NCOA1: variants seen among roughly 807,000 people sequenced by gnomAD.
NCOA1 encodes Hin-2 protein.
In NCOA1, 35 loss-of-function variants were observed where a neutral mutation model predicts 150.9. That is an observed-to-expected ratio of 0.23 (90% CI 0.18 to 0.31). The LOEUF is 0.31. Ranked by LOEUF, NCOA1 falls within the 10% of genes least tolerant of loss-of-function variation. The pLI, the probability that NCOA1 is intolerant of heterozygous loss-of-function variation, is 1.00. For missense variants in NCOA1, 1,491 were observed against 1,749.3 expected (o/e 0.85, Z 2.63); for synonymous variants, 590 against 630.0 (o/e 0.94, Z 0.95).
intron 1 of NCOA1, among the ~76,000 whole-genome samples, chr2:24,517,144 G>A (rs1298787610): frequency 6.6e-6 from 1 of 151,202 alleles, no homozygotes; most frequent in Non-Finnish European, 1.5e-5. Flanking sequence ...TTGGTTTAAA[G>A]TTGCCCCATT....
At chr2:24,725,711 G>T (rs1674579603) in intron 14 of NCOA1, among the ~76,000 whole-genome samples, 1 of 56,800 alleles carries the variant, frequency 1.8e-5, no homozygotes, top group Admixed American at 2.7e-4. Context: ...GACCTAAAGT[G>T]TGCGTGTGTG....
chr2:24,699,610 A>G (rs893015409), intron 11 of NCOA1, among the ~76,000 whole-genome samples: 1 of 152,178 alleles, frequency 6.6e-6, no homozygotes, highest in East Asian at 1.9e-4. Context: ...TCTTAGAATC[A>G]AGTTGTCCAA....
chr2:24,575,243 G>GTTAAA (rs1307768243), intron 2 of NCOA1, among the ~76,000 whole-genome samples: 1 of 152,092 alleles, frequency 6.6e-6, no homozygotes, highest in Admixed American at 6.5e-5. Context: ...TTAACTAAGT[G>GTTAAA]TTAAATCTGC....
intron 9 of NCOA1, among the ~76,000 whole-genome samples, chr2:24,691,976 A>C (rs1672686259): frequency 6.6e-6 from 1 of 152,352 alleles, no homozygotes; most frequent in East Asian, 1.9e-4. Context: ...GAAATGTACC[A>C]GATGCAGCAG....
At position 24,707,631 on chromosome 2, in the gene NCOA1, G is replaced by T; in HGVS notation, c.2161G>T (p.Val721Leu). ...GGACAGTGCATCTACTTCTGTGTCA[G>T]TGACTGGACAGGTACAAGGAAACTC... ...KKDSASTSVS[V>L]TGQVQGNSSI... The change falls in exon 13 of 23, where the codon GTG becomes TTG. Residue 721 changes from valine to leucine, a missense_variant. Val to Leu is a conservative substitution (Grantham distance 32). Coordinates refer to ENST00000348332, the MANE Select transcript of NCOA1 (RefSeq NM_003743.5). 6.2e-7 allele frequency: 1 copy of T among 1,614,234 alleles called. No homozygotes were observed. The highest frequency in any genetic ancestry group is 1.1e-5 in the South Asian group (1 of 91,090).
At chr2:24,753,879 T>G (rs140663208) in intron 20 of NCOA1, among the ~76,000 whole-genome samples, 1 of 152,294 alleles carries the variant, frequency 6.6e-6, no homozygotes, top group African/African-American at 2.4e-5. Flanking sequence ...ATACTCTATA[T>G]TCAGCTGCCT....
At chr2:24,580,831 T>A (rs1667164917) in intron 2 of NCOA1, among the ~76,000 whole-genome samples, 1 of 152,196 alleles carries the variant, frequency 6.6e-6, no homozygotes, top group South Asian at 2.1e-4. Flanking sequence ...TATTCCTGGA[T>A]CTTGGTATGA....
intron 7 of NCOA1, among the ~76,000 whole-genome samples, chr2:24,678,730 G>C (rs569546987): frequency 7.2e-5 from 11 of 152,130 alleles, no homozygotes; most frequent in African/African-American, 2.7e-4. Flanking sequence ...TTTTAATGGG[G>C]TTGTTTGGTT....
At chr2:24,657,048 T>C (rs954889695) in intron 4 of NCOA1, among the ~76,000 whole-genome samples, 2 of 152,366 alleles carry the variant, frequency 1.3e-5, no homozygotes, top group Non-Finnish European at 2.9e-5. Flanking sequence ...ACCTCCATGC[T>C]CTTTTCCAAA....
chr2:24,495,791 A>C (rs1663182937), intron 1 of NCOA1, among the ~76,000 whole-genome samples: 1 of 152,214 alleles, frequency 6.6e-6, no homozygotes, highest in African/African-American at 2.4e-5. Flanking sequence ...TGTAGCCTTG[A>C]GCTGTTTAAC....
intron 3 of NCOA1, among the ~76,000 whole-genome samples, chr2:24,628,035 C>T (rs1290109597): frequency 6.6e-6 from 1 of 152,158 alleles, no homozygotes; most frequent in East Asian, 1.9e-4. Flanking sequence ...CGCGGTGGCT[C>T]ACGCCTGTAA....
intron 17 of NCOA1, among the ~76,000 whole-genome samples, chr2:24,730,386 T>A (rs1662942942): frequency 6.6e-6 from 1 of 152,238 alleles, no homozygotes; most frequent in Non-Finnish European, 1.5e-5. Context: ...AAGAACAATT[T>A]AATTTTTATT....
chr2:24,617,939 A>G (rs1297316802), intron 3 of NCOA1, among the ~76,000 whole-genome samples: 1 of 152,198 alleles, frequency 6.6e-6, no homozygotes, highest in Non-Finnish European at 1.5e-5. Context: ...ATTTAATGAC[A>G]TGAGAAGGAA....
intron 11 of NCOA1, 62 bp from the exon 12 acceptor site, chr2:24,705,024 T>A: frequency 6.5e-7 from 1 of 1,533,472 alleles, no homozygotes; most frequent in Non-Finnish European, 8.9e-7. Flanking sequence ...TAAAACCTGG[T>A]GACTTAAAGC....
chr2:24,736,516 A>G (rs1663312804), intron 17 of NCOA1, among the ~76,000 whole-genome samples: 1 of 152,258 alleles, frequency 6.6e-6, no homozygotes, highest in South Asian at 2.1e-4. Flanking sequence ...TATAGAGAAT[A>G]GAAGTGATCA....
chr2:24,732,638 A>G (rs1017321652), intron 17 of NCOA1, among the ~76,000 whole-genome samples: 11 of 152,224 alleles, frequency 7.2e-5, no homozygotes, highest in African/African-American at 2.7e-4. Flanking sequence ...TCAACTCAGC[A>G]TAGTAAAACA....
At chr2:24,716,560 A>G (rs1036708156) in intron 14 of NCOA1, among the ~76,000 whole-genome samples, 1 of 152,196 alleles carries the variant, frequency 6.6e-6, no homozygotes, top group Non-Finnish European at 1.5e-5. Context: ...ACTTATTTTG[A>G]GTTGATCATA....
intron 22 of NCOA1, among the ~76,000 whole-genome samples, chr2:24,765,269 T>C (rs1200725293): frequency 2.0e-5 from 3 of 151,592 alleles, no homozygotes; most frequent in East Asian, 1.9e-4. Context: ...TTCAGGAGGC[T>C]GAGGCGGGCA....
chr2:24,552,102 C>G lies in NCOA1; in HGVS notation c.-395-12193C>G, dbSNP rs192908424. ...ATCTAAGTCTTCCAACTTTGTTCTT[C>G]TTTTTGAAAAGTGTTTTGACTATTC... On this transcript the variant is annotated intron_variant, in intron 1 of 22. Transcript: ENST00000348332. Among the ~76,000 whole-genome samples, 27 of 151,750 alleles carry G rather than the reference C, an allele frequency of 1.8e-4. No individual in the cohort carries two copies. In the East Asian group the frequency reaches 4.1e-3, roughly 23 times the overall value.
Sources: allele counts gnomAD v4.1 joint callset (sites outside exome capture counted in the v4.1 genomes callset), GRCh38; gene constraint gnomAD v4.1.1; transcripts MANE v1.5; gene names NCBI Gene and HGNC (gene_info 2026-07-23, HGNC 2026-07-21).